The following SNX9 variants were observed in gnomAD, a reference collection of about 807,000 sequenced individuals.
The protein encoded by SNX9 is sorting nexin-9.
Under a neutral mutation model 89.4 loss-of-function variants are expected in SNX9, and 44 were observed. The ratio of observed to expected loss-of-function variants is 0.49; its 90% CI spans 0.39 to 0.63. The LOEUF is 0.63. SNX9 is among the 30% of genes least tolerant of loss of function. The probability of loss-of-function intolerance (pLI) is 0.00; values close to 1 mark genes in which losing one functional copy is unlikely to be tolerated. For synonymous variants in SNX9, 236 were observed against 247.8 expected, an observed-to-expected ratio of 0.95 and a Z score of 0.45; for missense variants, 578 against 736.1, an observed-to-expected ratio of 0.79 and a Z score of 2.49.
intron 1 of SNX9, among the ~76,000 whole-genome samples, chr6:157,853,405 A>G (rs1052387341): frequency 5.3e-5 from 8 of 152,068 alleles, no homozygotes; most frequent in Non-Finnish European, 1.2e-4. Context: ...AAACTTGACT[A>G]TGATGTGTCT....
intron 1 of SNX9, among the ~76,000 whole-genome samples, chr6:157,826,624 A>T (rs1012800505): frequency 2.0e-5 from 3 of 149,606 alleles, no homozygotes; most frequent in African/African-American, 7.5e-5. Context: ...ACACTCACTC[A>T]GTGCAATCAA....
intron 1 of SNX9, among the ~76,000 whole-genome samples, chr6:157,831,637 G>T (rs116718065): frequency 6.6e-6 from 1 of 152,186 alleles, no homozygotes; most frequent in African/African-American, 2.4e-5. Context: ...GTCTCCCAGC[G>T]GGAAATCCTG....
chr6:157,928,534 C>A, intron 11 of SNX9, 65 bp from the exon 12 acceptor site: 1 of 1,311,466 alleles, frequency 7.6e-7, no homozygotes, highest in South Asian at 1.3e-5. Context: ...TATATTTGGC[C>A]CGAGTATCCC....
rs111550703 is a variant in SNX9, at chr6:157,910,032, G to A, written c.949+7G>A. 3.9e-4 allele frequency: 618 copies of A among 1,599,790 alleles called. 1 individual carries two copies. The highest frequency in any genetic ancestry group is 3.4e-3 in the African/African-American group (254 of 74,716). ...CCAGACAAACAAGTCACAGGTGAGTGTGTGTAATGCTAAACCCAGGATGAC... is the reference window on the plus strand; with the variant it reads ...CCAGACAAACAAGTCACAGGTGAGTATGTGTAATGCTAAACCCAGGATGAC... On this transcript the variant is annotated splice_region_variant and intron_variant, in intron 9 of 17. Transcript: ENST00000392185.
intron 4 of SNX9, among the ~76,000 whole-genome samples, chr6:157,880,635 C>G (rs1375075662): frequency 6.6e-6 from 1 of 152,168 alleles, no homozygotes. Flanking sequence ...AAACCCTAAC[C>G]GAGTGCCATC....
chr6:157,930,656 T>A (rs1783793319), intron 12 of SNX9, among the ~76,000 whole-genome samples: 1 of 152,176 alleles, frequency 6.6e-6, no homozygotes, highest in South Asian at 2.1e-4. Context: ...TTGTGAGCCC[T>A]TATGAGAATC....
rs980415058 is a variant in SNX9, at chr6:157,928,612, G to A, written c.1198G>A (p.Glu400Lys). Residue 400 changes from glutamate (E) to lysine (K), a missense_variant, in exon 12 of 18, where the codon GAG (glutamate) becomes AAG (lysine). Physicochemically the swap from Glu to Lys is moderately conservative, Grantham distance 56 (BLOSUM62 1). Around this residue, in one of 2 missense-constraint regions of SNX9, gnomAD observed 348 missense variants for 491.4 expected, o/e 0.71. Transcript: ENST00000392185. Reference protein sequence around the residue: ...LDLVEIEQKCEAVGKFTKAMD... With the variant: ...LDLVEIEQKCKAVGKFTKAMD... ...CTTCACCCACAGAGAGCAGAAGTGC[G>A]AGGCTGTGGGGAAGTTCACCAAGGC... 3.1e-6 allele frequency: 5 copies of A among 1,608,780 alleles called. No homozygotes were observed. The highest frequency in any genetic ancestry group is 1.3e-5 in the African/African-American group (1 of 74,754).
intron 1 of SNX9, among the ~76,000 whole-genome samples, chr6:157,864,711 G>A (rs1747130977): frequency 6.6e-6 from 1 of 152,184 alleles, no homozygotes; most frequent in Admixed American, 6.5e-5. Context: ...ATGGCAGGAA[G>A]GATCCAGGTT....
At chr6:157,858,966 C>G (rs1562596167) in intron 1 of SNX9, among the ~76,000 whole-genome samples, 1 of 152,188 alleles carries the variant, frequency 6.6e-6, no homozygotes, top group African/African-American at 2.4e-5. Context: ...GGTGGAGACA[C>G]AGCCAAACCA....
intron 6 of SNX9, among the ~76,000 whole-genome samples, chr6:157,903,022 T>C (rs1164207546): frequency 6.6e-6 from 1 of 152,166 alleles, no homozygotes; most frequent in Non-Finnish European, 1.5e-5. Context: ...CAGGAAAGCA[T>C]GTGGGCACCA....
intron 1 of SNX9, among the ~76,000 whole-genome samples, chr6:157,859,712 C>T (rs1782080964): frequency 6.6e-6 from 1 of 152,152 alleles, no homozygotes; most frequent in African/African-American, 2.4e-5. Context: ...AGCGTTTTGT[C>T]ATGCATTTAA....
At chr6:157,932,311 C>T (rs1783827949) in intron 13 of SNX9, 39 bp downstream of exon 13, 1 of 1,565,604 alleles carries the variant, frequency 6.4e-7, no homozygotes, top group Non-Finnish European at 8.8e-7. Context: ...CCTTTAGAGC[C>T]TTATGTAGAC....
intron 13 of SNX9, among the ~76,000 whole-genome samples, chr6:157,932,908 A>T (rs1783844046): frequency 6.6e-6 from 1 of 150,484 alleles, no homozygotes; most frequent in African/African-American, 2.5e-5. Context: ...AGATTTCATC[A>T]AGGCCATTTC....
intron 9 of SNX9, among the ~76,000 whole-genome samples, chr6:157,913,775 G>C (rs534495761): frequency 6.6e-6 from 1 of 152,160 alleles, no homozygotes; most frequent in Admixed American, 6.5e-5. Flanking sequence ...GAGTCTGACT[G>C]CTTTCATTTA....
At chr6:157,860,258 T>C (rs1205394062) in intron 1 of SNX9, among the ~76,000 whole-genome samples, 35 of 152,170 alleles carry the variant, frequency 2.3e-4, no homozygotes, top group Non-Finnish European at 2.9e-5. Context: ...AAATAAAATA[T>C]TAGCCAGGAG....
At chr6:157,939,957 GGGGGCA>G (rs144420357) in intron 16 of SNX9, among the ~76,000 whole-genome samples, 1 of 151,514 alleles carries the variant, frequency 6.6e-6, no homozygotes, top group East Asian at 2.0e-4. Flanking sequence ...CTCTAGAGTT[GGGGGCA>G]GGGGCAGGGG....
At chr6:157,851,101 C>CA (rs1390502666) in intron 1 of SNX9, among the ~76,000 whole-genome samples, 1 of 151,330 alleles carries the variant, frequency 6.6e-6, no homozygotes. Flanking sequence ...ACTAAAAATA[C>CA]AAAAAAATTA....
At chr6:157,840,427 T>TC (rs1485217413) in intron 1 of SNX9, among the ~76,000 whole-genome samples, 2 of 139,460 alleles carry the variant, frequency 1.4e-5, no homozygotes, top group African/African-American at 5.7e-5. Context: ...TTCTTTTCTT[T>TC]CTTTTCTTTC....
chr6:157,895,625 G>C (rs555809119), intron 4 of SNX9, among the ~76,000 whole-genome samples: 1 of 142,590 alleles, frequency 7.0e-6, no homozygotes, highest in South Asian at 2.2e-4. Flanking sequence ...GCTGTTAAGA[G>C]AAAAAAAAAA....
Sources: gnomAD v4.1 joint callset for allele counts (sites outside exome capture counted in the v4.1 genomes callset) on GRCh38, gnomAD v4.1.1 for gene constraint, gnomAD v4.1.1 regional missense constraint, MANE v1.5 for transcripts, NCBI Gene and HGNC (gene_info 2026-07-23, HGNC 2026-07-21) for gene names.